SSBP2: variants seen among roughly 807,000 people sequenced by gnomAD.
SSBP2 encodes the protein single-stranded DNA-binding protein 2.
In SSBP2, 17 loss-of-function variants were observed where a neutral mutation model predicts 61.8. The observed-to-expected ratio is 0.28, with a 90% CI of 0.19 to 0.41. SSBP2 has a LOEUF of 0.41. Among genes scored for constraint, SSBP2 ranks in the 10% least tolerant of loss-of-function variants. The pLI is 1.00. For missense variants in SSBP2, 310 were observed against 458.7 expected, an observed-to-expected ratio of 0.68 and a Z score of 2.96; for synonymous variants, 139 against 141.3, an observed-to-expected ratio of 0.98 and a Z score of 0.12.
intron 4 of SSBP2, among the ~76,000 whole-genome samples, chr5:81,551,695 C>T (rs1772203905): frequency 6.6e-6 from 1 of 152,050 alleles, no homozygotes; most frequent in Admixed American, 6.5e-5. Flanking sequence ...TTTTGTTGGT[C>T]ACGTGACATT....
At chr5:81,669,481 T>G (rs1751420276) in intron 1 of SSBP2, among the ~76,000 whole-genome samples, 1 of 152,044 alleles carries the variant, frequency 6.6e-6, no homozygotes. Context: ...AATGAAATAT[T>G]CAGTACTAAA....
intron 1 of SSBP2, among the ~76,000 whole-genome samples, chr5:81,742,414 T>C (rs1012984096): frequency 6.6e-6 from 1 of 152,248 alleles, no homozygotes; most frequent in Non-Finnish European, 1.5e-5. Context: ...TGATAGACTA[T>C]TGTGACATAT....
At chr5:81,461,033 A>G in intron 10 of SSBP2, 22 bp downstream of exon 10, 1 of 1,305,236 alleles carries the variant, frequency 7.7e-7, no homozygotes, top group South Asian at 2.4e-5. Flanking sequence ...AAATATTAAA[A>G]AAAATATATA....
In SSBP2 at chr5:81,660,620, C is replaced by T. The variant is rs564404520; in HGVS notation, c.63-10281G>A. Reference sequence around the variant, plus strand: ...GTGGCAATTCCTCAAGGACCTAGAACCAGAAATACCATGTGACCCAGCAAT... The same window carrying T: ...GTGGCAATTCCTCAAGGACCTAGAATCAGAAATACCATGTGACCCAGCAAT... On this transcript the variant is annotated intron_variant, in intron 1 of 16. Coordinates refer to ENST00000320672, the MANE Select transcript of SSBP2 (RefSeq NM_012446.5). 7.4e-4 allele frequency among the ~76,000 whole-genome samples: 113 copies of T among 152,202 alleles called. 1 individual carries two copies. Among genetic ancestry groups the T allele is most frequent in the African/African-American group, 2.7e-3 (111 of 41,496 alleles).
At chr5:81,712,728 GTT>G (rs34642922) in intron 1 of SSBP2, among the ~76,000 whole-genome samples, 1 of 142,236 alleles carries the variant, frequency 7.0e-6, no homozygotes, top group African/African-American at 2.6e-5. Flanking sequence ...TTGTTTCTTT[GTT>G]TTTTTTTTTT....
intron 2 of SSBP2, 140 bp from the exon 3 acceptor site, chr5:81,636,758 TG>T: frequency 4.3e-6 from 3 of 704,044 alleles, no homozygotes; most frequent in Non-Finnish European, 6.9e-6. Flanking sequence ...ACCCAAGTTT[TG>T]CAAGTACTCA....
chr5:81,468,256 TTCTA>T (rs1454070367), intron 8 of SSBP2, among the ~76,000 whole-genome samples: 1 of 152,036 alleles, frequency 6.6e-6, no homozygotes, highest in African/African-American at 2.4e-5. Context: ...AGTCCATTGA[TTCTA>T]TCTATGAAAT....
chr5:81,681,446 A>ACAGG (rs1275296136), intron 1 of SSBP2, among the ~76,000 whole-genome samples: 1 of 151,184 alleles, frequency 6.6e-6, no homozygotes, highest in Admixed American at 6.6e-5. Context: ...CTTGAACCCA[A>ACAGG]CAGGCAGAGG....
chr5:81,602,439 T>C (rs1674161353), intron 4 of SSBP2, among the ~76,000 whole-genome samples: 1 of 152,196 alleles, frequency 6.6e-6, no homozygotes, highest in African/African-American at 2.4e-5. Flanking sequence ...TTAAGATTAT[T>C]AGAAGACCTT....
At chr5:81,533,960 G>C (rs1301365739) in intron 4 of SSBP2, among the ~76,000 whole-genome samples, 1 of 152,076 alleles carries the variant, frequency 6.6e-6, no homozygotes, top group Admixed American at 6.6e-5. Flanking sequence ...AAAGGAAAAA[G>C]AACCATTCTG....
In SSBP2 at chr5:81,489,227, C is replaced by G; in HGVS notation, c.432+23G>C. 2.5e-6 allele frequency: 4 copies of G among 1,594,096 alleles called. No individual in the cohort carries two copies. The South Asian group carries it at 4.5e-5, about 18-fold the overall frequency. ...CAAGATCTTTGATTCTTACAAAAAA[C>G]TTACATAGCACATAAATCTTACCTG... On this transcript the variant is annotated intron_variant, in intron 6 of 16. Transcript: ENST00000320672.
At chr5:81,450,585 ACT>A (rs780483471) in intron 10 of SSBP2, among the ~76,000 whole-genome samples, 3 of 152,030 alleles carry the variant, frequency 2.0e-5, no homozygotes, top group Non-Finnish European at 2.9e-5. Context: ...ATATCCTAGA[ACT>A]CTTTACTGAA....
rs1358716053 is a variant in SSBP2, at chr5:81,751,022, A to G, written c.21T>C (p.Ser7=). ...TGTCGGACGGGACGGCGCTGCTGTT[A>G]CTCTTGCCTTTGCCGTACATGCTTG... Residue 7 remains serine, a synonymous_variant, in exon 1 of 17, where the codon AGT becomes AGC. Coordinates refer to ENST00000320672, the MANE Select transcript of SSBP2 (RefSeq NM_012446.5). The G allele has an allele frequency of 6.3e-7, 1 of 1,598,458 alleles. No individual in the cohort carries two copies.
intron 1 of SSBP2, among the ~76,000 whole-genome samples, chr5:81,656,242 G>A (rs1034839915): frequency 2.0e-5 from 3 of 152,020 alleles, no homozygotes; most frequent in African/African-American, 7.2e-5. Context: ...ATTAGAGACA[G>A]GGTTTCACCA....
chr5:81,672,241 A>G (rs967856641), intron 1 of SSBP2, among the ~76,000 whole-genome samples: 2 of 146,900 alleles, frequency 1.4e-5, no homozygotes, highest in African/African-American at 4.9e-5. Flanking sequence ...AATAAGCCTT[A>G]TATGCACATA....
chr5:81,413,702 T>C lies in SSBP2; in HGVS notation c.*6802A>G, dbSNP rs1761213552. On this transcript the variant is annotated 3_prime_UTR_variant, in exon 17 of 17. Coordinates refer to ENST00000320672, the MANE Select transcript of SSBP2 (RefSeq NM_012446.5). ...TTAATGCAAGGAAAGTAAAACAGTT[T>C]GAAATATGATAGAAAGTATAAACAC... 6.6e-6 allele frequency: 1 copy of C among 152,184 alleles called. No homozygotes were observed. Among genetic ancestry groups the C allele is most frequent in the Non-Finnish European group, 1.5e-5 (1 of 68,000 alleles). 9.4% of individuals were successfully genotyped at this position (152,184 alleles called of 1,614,324 possible).
chr5:81,496,252 T>C (rs1299186039), intron 5 of SSBP2, among the ~76,000 whole-genome samples: 1 of 152,136 alleles, frequency 6.6e-6, no homozygotes, highest in Non-Finnish European at 1.5e-5. Flanking sequence ...CGATCTCGGC[T>C]CACTGCAACC....
chr5:81,595,085 T>C (rs1187019285), intron 4 of SSBP2, among the ~76,000 whole-genome samples: 3 of 152,050 alleles, frequency 2.0e-5, no homozygotes, highest in Admixed American at 1.3e-4. Flanking sequence ...ACAAAATTTA[T>C]AGACCACTAG....
chr5:81,598,131 C>T (rs995827849), intron 4 of SSBP2, among the ~76,000 whole-genome samples: 6 of 151,860 alleles, frequency 4.0e-5, no homozygotes, highest in South Asian at 2.1e-4. Flanking sequence ...ATCCAACTTA[C>T]TCAGAAAATA....
Sources: gnomAD v4.1 joint callset for allele counts (sites outside exome capture counted in the v4.1 genomes callset) on GRCh38, gnomAD v4.1.1 for gene constraint, MANE v1.5 for transcripts, NCBI Gene and HGNC (gene_info 2026-07-23, HGNC 2026-07-21) for gene names.